Variants in C1orf21 observed in about 807,000 individuals in gnomAD.
C1orf21 encodes the protein uncharacterized protein C1orf21.
Under a neutral mutation model 18.7 loss-of-function variants are expected in C1orf21, and 3 were observed. The observed-to-expected ratio is 0.16, with a 90% CI of 0.07 to 0.42. C1orf21 has a LOEUF of 0.42. Among genes scored for constraint, C1orf21 ranks in the 10% least tolerant of loss-of-function variants. The pLI is 0.99. For missense variants in C1orf21, 104 were observed against 143.6 expected (o/e 0.72, Z 1.41); for synonymous variants, 41 against 46.4 (o/e 0.88, Z 0.47).
chr1:184,467,987 G>GGTGT (rs71782493), intron 1 of C1orf21, among the ~76,000 whole-genome samples: 24 of 149,022 alleles, frequency 1.6e-4, no homozygotes, highest in South Asian at 4.3e-4. Flanking sequence ...GAGCTTTTAT[G>GGTGT]GTGTGTGTGT....
intron 1 of C1orf21, among the ~76,000 whole-genome samples, chr1:184,417,131 G>A (rs1438407618): frequency 6.6e-6 from 1 of 152,158 alleles, no homozygotes; most frequent in Non-Finnish European, 1.5e-5. Context: ...TTTTGGCTCA[G>A]TCGAAAGAGC....
chr1:184,509,068 A>G (rs909942552), intron 3 of C1orf21, among the ~76,000 whole-genome samples: 2 of 152,180 alleles, frequency 1.3e-5, no homozygotes, highest in African/African-American at 2.4e-5. Context: ...AATAATATTT[A>G]CTGTAGAGGC....
At chr1:184,397,771 T>C (rs1014644425) in intron 1 of C1orf21, among the ~76,000 whole-genome samples, 2 of 152,154 alleles carry the variant, frequency 1.3e-5, no homozygotes, top group African/African-American at 4.8e-5. Flanking sequence ...TTTGGGATGA[T>C]GTTGAAAGTG....
intron 1 of C1orf21, 118 bp from the exon 2 acceptor site, chr1:184,477,268 C>T (rs115748558): frequency 3.8e-4 from 155 of 408,182 alleles, no homozygotes; most frequent in Non-Finnish European, 5.6e-4. Context: ...AACACCAGTG[C>T]GATGGGTGGG....
chr1:184,449,006 T>G (rs992311263), intron 1 of C1orf21, among the ~76,000 whole-genome samples: 2 of 152,186 alleles, frequency 1.3e-5, no homozygotes, highest in African/African-American at 2.4e-5. Flanking sequence ...TTTTAATTTA[T>G]TTTTTAGTAT....
chr1:184,460,617 G>GTCTTCTTCTTCTTCT (rs1300212650), intron 1 of C1orf21, among the ~76,000 whole-genome samples: 87 of 116,448 alleles, frequency 7.5e-4, no homozygotes, highest in African/African-American at 3.0e-3. Context: ...TATTGTCGTC[G>GTCTTCTTCTTCTTCT]TCGTCTTCTT....
At chr1:184,564,610 A>G (rs774334642) in intron 3 of C1orf21, among the ~76,000 whole-genome samples, 8 of 152,178 alleles carry the variant, frequency 5.3e-5, no homozygotes, top group Non-Finnish European at 1.0e-4. Context: ...TGGCCTAATA[A>G]TAATAATTCT....
chr1:184,454,514 C>G (rs114252351), intron 1 of C1orf21, among the ~76,000 whole-genome samples: 1,948 of 152,226 alleles, frequency 0.013, 48 homozygotes, highest in African/African-American at 0.045. Context: ...TCATGTCAAA[C>G]TGTGGTCCCT....
At chr1:184,446,997 T>C (rs1571361887) in intron 1 of C1orf21, among the ~76,000 whole-genome samples, 1 of 152,140 alleles carries the variant, frequency 6.6e-6, no homozygotes, top group African/African-American at 2.4e-5. Context: ...TAAGAAAATA[T>C]TAAAAAGCAA....
chr1:184,578,448 G>A (rs545307012), intron 3 of C1orf21, among the ~76,000 whole-genome samples: 61 of 152,216 alleles, frequency 4.0e-4, no homozygotes, highest in Non-Finnish European at 8.2e-4. Flanking sequence ...TATGTATGCA[G>A]CTTTCTGGGG....
intron 3 of C1orf21, among the ~76,000 whole-genome samples, chr1:184,581,809 T>A (rs1659280984): frequency 6.6e-6 from 1 of 152,240 alleles, no homozygotes; most frequent in Non-Finnish European, 1.5e-5. Flanking sequence ...AAATGTTAGG[T>A]GCTTTAAAAC....
intron 1 of C1orf21, among the ~76,000 whole-genome samples, chr1:184,463,527 C>T (rs1197513378): frequency 6.6e-6 from 1 of 152,150 alleles, no homozygotes; most frequent in Non-Finnish European, 1.5e-5. Flanking sequence ...TCTCATCTTA[C>T]ACACTTTTGC....
intron 3 of C1orf21, among the ~76,000 whole-genome samples, chr1:184,582,441 G>A (rs554710328): frequency 1.3e-5 from 2 of 152,232 alleles, no homozygotes; most frequent in African/African-American, 4.8e-5. Context: ...CACACCCTTT[G>A]AGAGTCCCAA....
At chr1:184,547,949 G>A (rs1209707775) in intron 3 of C1orf21, among the ~76,000 whole-genome samples, 2 of 152,064 alleles carry the variant, frequency 1.3e-5, no homozygotes, top group African/African-American at 2.4e-5. Context: ...CTATGGCCAC[G>A]GTGGCACTGG....
intron 1 of C1orf21, among the ~76,000 whole-genome samples, chr1:184,442,925 A>G (rs4466608): frequency 0.05 from 7,662 of 152,296 alleles, 286 homozygotes; most frequent in Non-Finnish European, 0.071. Context: ...TGAGATCATC[A>G]GCATTTAAAA....
intron 4 of C1orf21, among the ~76,000 whole-genome samples, chr1:184,591,698 C>T (rs548249854): frequency 4.0e-5 from 6 of 151,832 alleles, no homozygotes; most frequent in South Asian, 2.1e-4. Context: ...CCCAGCTACT[C>T]GGGAGGCTGA....
At chr1:184,617,325 A>C (rs1403537411) in intron 5 of C1orf21, among the ~76,000 whole-genome samples, 1 of 152,024 alleles carries the variant, frequency 6.6e-6, no homozygotes, top group East Asian at 1.9e-4. Context: ...CATGAGCCCT[A>C]CCTTTCCTCT....
At chr1:184,491,446 C>T (rs1657815414) in intron 2 of C1orf21, among the ~76,000 whole-genome samples, 1 of 151,854 alleles carries the variant, frequency 6.6e-6, no homozygotes, top group African/African-American at 2.4e-5. Flanking sequence ...ACCTCCCAAG[C>T]TCAGGTGATT....
At chr1:184,539,391 C>A (rs1658610549) in intron 3 of C1orf21, among the ~76,000 whole-genome samples, 1 of 152,054 alleles carries the variant, frequency 6.6e-6, no homozygotes, top group Non-Finnish European at 1.5e-5. Context: ...ATTCAGTTTG[C>A]TTGTATTTTG....
Sources: gnomAD v4.1 joint callset for allele counts (sites outside exome capture counted in the v4.1 genomes callset) on GRCh38, gnomAD v4.1.1 for gene constraint, MANE v1.5 for transcripts, NCBI Gene and HGNC (gene_info 2026-07-23, HGNC 2026-07-21) for gene names.